Variants in TG observed in about 807,000 individuals in gnomAD.
The protein encoded by TG is thyroid hormones.
Under a neutral mutation model 324.7 loss-of-function variants are expected in TG, and 270 were observed. The ratio of observed to expected loss-of-function variants is 0.83; its 90% CI spans 0.75 to 0.92. The LOEUF (loss-of-function observed/expected upper bound fraction) is 0.92. Among genes scored for constraint, TG ranks in the 40% least tolerant of loss-of-function variants. The pLI is 0.00. For synonymous variants in TG, 1,401 were observed against 1,327.0 expected, an observed-to-expected ratio of 1.06 and a Z score of -1.21; for missense variants, 3,591 against 3,456.4, an observed-to-expected ratio of 1.04 and a Z score of -0.98.
intron 1 of TG, among the ~76,000 whole-genome samples, 193 bp downstream of exon 1, chr8:132,867,260 C>G (rs1839021152): frequency 6.6e-6 from 1 of 151,984 alleles, no homozygotes; most frequent in South Asian, 2.1e-4. Context: ...GGTCACAGAG[C>G]TAGTGATTGA....
intron 41 of TG, chr8:133,047,692 G>C (rs573941085): frequency 1.5e-6 from 1 of 687,070 alleles, no homozygotes; most frequent in African/African-American, 1.7e-5. Flanking sequence ...CAGCGTGTGG[G>C]CTGCAGGGAG....
chr8:133,096,304 G>A lies in TG; in HGVS notation c.7503G>A (p.Trp2501Ter), dbSNP rs1225125695. 6.2e-7 allele frequency: 1 copy of A among 1,614,190 alleles called. No homozygotes were observed. Among genetic ancestry groups the A allele is most frequent in the East Asian group, 2.2e-5 (1 of 44,876 alleles). Residue 2501 changes from tryptophan (W) to a stop codon, truncating the protein, a stop_gained, in exon 43 of 48, where the codon TGG (tryptophan) becomes TGA (stop). Coordinates refer to ENST00000220616, the MANE Select transcript of TG (RefSeq NM_003235.5). LOFTEE classifies it high-confidence loss of function. ...CCAGAGCACTGAAGAGGTCTTTATG[G>A]GTAGAGGTCGATCTGCTCATTGGGA... Reference protein sequence around the residue: ...PPARALKRSLWVEVDLLIGSS... With the variant: ...PPARALKRSL
At position 132,981,151 on chromosome 8, in the gene TG, A is replaced by G. The variant is rs1464834044; in HGVS notation, c.6200-2199A>G. Among the ~76,000 whole-genome samples, 4 of 152,312 alleles carry G rather than the reference A, an allele frequency of 2.6e-5. No homozygotes were observed. The East Asian group carries it at 7.7e-4, about 29-fold the overall frequency. On this transcript the variant is annotated intron_variant, in intron 34 of 47. Transcript: ENST00000220616. ...CTTATAATGCCTGTTACTTTTTCTC[A>G]CTGATAGTGGGTGTGAAAGGAAAGT...
Position 132,887,445 on chromosome 8 carries a change from A to G in TG, c.2073A>G (p.Gly691=). 6.2e-7 allele frequency: 1 copy of G among 1,614,076 alleles called. No homozygotes were observed. The highest frequency in any genetic ancestry group is 8.5e-7 in the Non-Finnish European group (1 of 1,179,976). ...TLFVPACTSE[G]HFLPVQCFNS... is the part of the protein sequence containing the mutation. ...TTGTCCCTGCTTGTACTAGTGAGGG[A>G]CATTTCCTGCCTGTCCAGTGCTTCA... The change falls in exon 9 of 48, where the codon GGA becomes GGG. Residue 691 remains glycine, a synonymous_variant. Transcript: ENST00000220616.
chr8:133,115,704 C>CT (rs979932775), intron 44 of TG, among the ~76,000 whole-genome samples: 5 of 152,208 alleles, frequency 3.3e-5, no homozygotes, highest in Non-Finnish European at 5.9e-5. Context: ...CTCACCTTTA[C>CT]TCTGCAATGC....
chr8:132,951,336 G>A (rs1047142251), intron 27 of TG, among the ~76,000 whole-genome samples: 2 of 152,160 alleles, frequency 1.3e-5, no homozygotes, highest in African/African-American at 2.4e-5. Flanking sequence ...ATTCCATGAA[G>A]CACAAATAGT....
chr8:132,964,936 A>G (rs1368386528), intron 29 of TG: 4 of 702,280 alleles, frequency 5.7e-6, no homozygotes, highest in African/African-American at 3.5e-5. Flanking sequence ...GCTCCCAGGT[A>G]TACCTGAGAA....
At chr8:133,038,137 G>A (rs1472583017) in intron 41 of TG, 3 of 198,978 alleles carry the variant, frequency 1.5e-5, no homozygotes, top group African/African-American at 4.7e-5. Flanking sequence ...CCATACAGAA[G>A]TTCTCTCCAA....
chr8:133,053,537 C>T (rs1325602407), intron 41 of TG, among the ~76,000 whole-genome samples: 1 of 152,128 alleles, frequency 6.6e-6, no homozygotes, highest in East Asian at 1.9e-4. Flanking sequence ...GAACCAGCCC[C>T]TTGCAAAAAA....
At chr8:133,027,270 A>G (rs1836183149) in intron 40 of TG, among the ~76,000 whole-genome samples, 1 of 152,206 alleles carries the variant, frequency 6.6e-6, no homozygotes, top group African/African-American at 2.4e-5. Flanking sequence ...GAGGAGTAGG[A>G]GCCAGGAGGT....
chr8:132,978,750 G>A (rs1830474500), intron 34 of TG, among the ~76,000 whole-genome samples: 1 of 152,176 alleles, frequency 6.6e-6, no homozygotes, highest in South Asian at 2.1e-4. Context: ...AGAGGAGGTA[G>A]CATGTCCCTG....
chr8:132,901,103 G>A (rs887300461), intron 15 of TG, among the ~76,000 whole-genome samples: 1 of 152,202 alleles, frequency 6.6e-6, no homozygotes, highest in Non-Finnish European at 1.5e-5. Context: ...TCACGTACTT[G>A]TTAACTCTCC....
At chr8:132,879,211 A>C (rs772573197) in intron 5 of TG, among the ~76,000 whole-genome samples, 2 of 152,256 alleles carry the variant, frequency 1.3e-5, no homozygotes, top group Non-Finnish European at 2.9e-5. Flanking sequence ...TTGTGGGCAC[A>C]CAGGAAATTG....
chr8:132,943,353 C>T (rs754860886), intron 26 of TG, among the ~76,000 whole-genome samples: 2 of 152,168 alleles, frequency 1.3e-5, no homozygotes, highest in Non-Finnish European at 2.9e-5. Flanking sequence ...CCTTCACCTT[C>T]TGTCATGAAT....
At chr8:133,049,794 G>T in intron 41 of TG, 1 of 808,726 alleles carries the variant, frequency 1.2e-6, no homozygotes, top group South Asian at 1.4e-5. Flanking sequence ...ATCTCTTCTT[G>T]ACCCAGTGCC....
At chr8:133,049,114 C>T (rs1193484574) in intron 41 of TG, 1 of 454,846 alleles carries the variant, frequency 2.2e-6, no homozygotes, top group Admixed American at 2.4e-5. Flanking sequence ...AGGAAGGAAG[C>T]CAAGATTTGT....
chr8:132,929,245 T>G, intron 23 of TG, 53 bp downstream of exon 23: 1 of 1,395,582 alleles, frequency 7.2e-7, no homozygotes, highest in Non-Finnish European at 1.0e-6. Context: ...AAATAAGCTC[T>G]GCTGAGAGTT....
At chr8:132,933,363 G>T (rs1823054341) in intron 23 of TG, among the ~76,000 whole-genome samples, 198 bp from the exon 24 acceptor site, 1 of 10,452 alleles carries the variant, frequency 9.6e-5, no homozygotes, top group Admixed American at 9.1e-4. Context: ...TGTGTTTGGA[G>T]GTGTGTGTGC....
intron 26 of TG, among the ~76,000 whole-genome samples, chr8:132,948,297 G>A (rs541640847): frequency 6.6e-6 from 1 of 151,796 alleles, no homozygotes; most frequent in Admixed American, 6.6e-5. Context: ...GAGAGTGAGC[G>A]AGAGCGAGAG....
Sources: gnomAD v4.1 joint callset for allele counts (sites outside exome capture counted in the v4.1 genomes callset) on GRCh38, gnomAD v4.1.1 for gene constraint, MANE v1.5 for transcripts, NCBI Gene and HGNC (gene_info 2026-07-23, HGNC 2026-07-21) for gene names.